The following POU3F3 variants were observed in gnomAD, a reference collection of about 807,000 sequenced individuals.
POU3F3 encodes the protein POU domain, class 3, transcription factor 3.
A neutral mutation model predicts 8.6 loss-of-function variants in POU3F3; 1 was observed. The observed-to-expected ratio is 0.12, with a 90% CI of 0.04 to 0.55. The LOEUF is 0.55. Among genes scored for constraint, POU3F3 ranks in the 20% least tolerant of loss-of-function variants. The probability of loss-of-function intolerance (pLI) is 0.91; values close to 1 mark genes in which losing one functional copy is unlikely to be tolerated. For missense variants in POU3F3, 577 were observed against 690.7 expected, an observed-to-expected ratio of 0.84 and a Z score of 1.84; for synonymous variants, 418 against 327.4, an observed-to-expected ratio of 1.28 and a Z score of -2.99.
rs1228263823 is a variant in POU3F3, at chr2:104,856,371, C to T, written c.861C>T (p.His287=). Residue 287 remains histidine, a synonymous_variant, in exon 1 of 1, where the codon CAC becomes CAT. Coordinates refer to ENST00000361360, the MANE Select transcript of POU3F3 (RefSeq NM_006236.3). Reference sequence around the variant, plus strand: ...ATCCTCACCCGCCGCACCCGCACCACGCGCAGGGACCCCCGCACCACGGCG... The same window carrying T: ...ATCCTCACCCGCCGCACCCGCACCATGCGCAGGGACCCCCGCACCACGGCG... ...HAHPHPPHPH[H]AQGPPHHGGG... is the part of the protein sequence containing the mutation. The T allele has an allele frequency of 6.5e-6, 10 of 1,540,560 alleles. No homozygotes were observed. Among genetic ancestry groups the T allele is most frequent in the Admixed American group, 6.0e-5 (3 of 49,906 alleles).
the POU3F3 span, among the ~76,000 whole-genome samples, chr2:104,900,144 A>G: frequency 6.6e-6 from 1 of 152,244 alleles, no homozygotes; most frequent in African/African-American, 2.4e-5. Flanking sequence ...TAGTGACTCT[A>G]GGATGGGAGA....
At chr2:104,894,251 T>G in the POU3F3 span, among the ~76,000 whole-genome samples, 2 of 152,222 alleles carry the variant, frequency 1.3e-5, no homozygotes, top group African/African-American at 4.8e-5. Context: ...ATTAAGAATT[T>G]TATGTAGAAT....
At chr2:104,860,371 C>T (rs1676639779), downstream of POU3F3, among the ~76,000 whole-genome samples, 2 of 152,012 alleles carry the variant, frequency 1.3e-5, no homozygotes, top group African/African-American at 2.4e-5. Flanking sequence ...GCAGATATAA[C>T]TGAGAGGTTT....
the POU3F3 span, among the ~76,000 whole-genome samples, chr2:104,874,318 C>A: frequency 7.9e-5 from 12 of 152,212 alleles, 1 homozygote; most frequent in African/African-American, 2.4e-4. Context: ...GAGGGACTCA[C>A]CCATCCAGAG....
chr2:104,902,791 G>A, the POU3F3 span, among the ~76,000 whole-genome samples: 1 of 152,008 alleles, frequency 6.6e-6, no homozygotes, highest in Non-Finnish European at 1.5e-5. Flanking sequence ...TTATAATGGT[G>A]GTCTGAATTA....
chr2:104,854,058 C>G (rs1177606745), upstream of POU3F3, among the ~76,000 whole-genome samples: 1 of 152,192 alleles, frequency 6.6e-6, no homozygotes, highest in African/African-American at 2.4e-5. This position sits in a 1 kb window ranked among gnomAD's most constrained non-coding sequence, Gnocchi z 4.5. Context: ...TGGTGCTCGA[C>G]TTCCTTGTAT....
the POU3F3 span, among the ~76,000 whole-genome samples, chr2:104,919,376 CCTT>C: frequency 6.6e-6 from 1 of 152,192 alleles, no homozygotes; most frequent in East Asian, 1.9e-4. Context: ...GTGAGTTTGT[CCTT>C]CTTGGCAGCT....
chr2:104,926,768 A>T, the POU3F3 span, among the ~76,000 whole-genome samples: 3 of 152,334 alleles, frequency 2.0e-5, no homozygotes, highest in East Asian at 5.8e-4. Context: ...ATGCAGCCAT[A>T]AAAAAGGATG....
At chr2:104,886,212 C>T in the POU3F3 span, among the ~76,000 whole-genome samples, 1 of 152,260 alleles carries the variant, frequency 6.6e-6, no homozygotes, top group East Asian at 1.9e-4. Flanking sequence ...GGACCCCTTT[C>T]CAGTAACACA....
At chr2:104,900,326 TACATAG>T in the POU3F3 span, among the ~76,000 whole-genome samples, 1 of 152,182 alleles carries the variant, frequency 6.6e-6, no homozygotes, top group Non-Finnish European at 1.5e-5. Context: ...ACTGCACAGC[TACATAG>T]AAAAATATGG....
chr2:104,924,021 G>A, the POU3F3 span, among the ~76,000 whole-genome samples: 18 of 152,258 alleles, frequency 1.2e-4, no homozygotes, highest in East Asian at 1.2e-3. Flanking sequence ...AGTGTTTAAC[G>A]GATACAGAGT....
At chr2:104,885,864 C>T in the POU3F3 span, among the ~76,000 whole-genome samples, 2 of 151,960 alleles carry the variant, frequency 1.3e-5, no homozygotes, top group African/African-American at 2.4e-5. Flanking sequence ...ATGGCGTAAT[C>T]TCGGCTCACT....
chr2:104,868,948 G>A, the POU3F3 span, among the ~76,000 whole-genome samples: 1 of 152,200 alleles, frequency 6.6e-6, no homozygotes, highest in African/African-American at 2.4e-5. Context: ...GGGTGGGGCA[G>A]GGAGACTTGC....
chr2:104,909,306 G>A, the POU3F3 span, among the ~76,000 whole-genome samples: 1 of 152,168 alleles, frequency 6.6e-6, no homozygotes, highest in Non-Finnish European at 1.5e-5. Context: ...CATATCCATG[G>A]TCCCAGCGGT....
the POU3F3 span, chr2:104,872,475 G>A: frequency 4.8e-5 from 19 of 395,776 alleles, no homozygotes; most frequent in Admixed American, 4.8e-4. The surrounding 1 kb of genome is among the most constrained non-coding windows in gnomAD (Gnocchi z 4.6). Context: ...GCGACGGCCC[G>A]TTCGCCCCGA....
At chr2:104,894,246 G>T in the POU3F3 span, among the ~76,000 whole-genome samples, 8 of 152,298 alleles carry the variant, frequency 5.3e-5, no homozygotes, top group South Asian at 1.7e-3. Context: ...ATTAAATTAA[G>T]AATTTTATGT....
downstream of POU3F3, among the ~76,000 whole-genome samples, chr2:104,861,790 C>T (rs1676660575): frequency 6.6e-6 from 1 of 152,188 alleles, no homozygotes; most frequent in South Asian, 2.1e-4. Context: ...ACCTCTCAGG[C>T]TCTCCAAGTT....
chr2:104,856,335 C>A lies in POU3F3; in HGVS notation c.825C>A (p.His275Gln). Reference sequence around the variant, plus strand: ...TGGCCGAGCACCACCACCACCACCACCACCACGCGCATCCTCACCCGCCGC... The same window carrying A: ...TGGCCGAGCACCACCACCACCACCAACACCACGCGCATCCTCACCCGCCGC... The part of the protein sequence containing the change: ...PELAEHHHHH[H>Q]HHAHPHPPHP... Residue 275 changes from histidine (H) to glutamine (Q), a missense_variant, in exon 1 of 1, where the codon CAC becomes CAA. By Grantham distance (24) the His-to-Gln change is conservative. Transcript: ENST00000361360. The A allele has an allele frequency of 6.6e-7, 1 of 1,511,636 alleles. No individual in the cohort carries two copies. Among genetic ancestry groups the A allele is most frequent in the Non-Finnish European group, 8.8e-7 (1 of 1,135,566 alleles). 93.6% of individuals were successfully genotyped at this position (1,511,636 alleles called of 1,614,324 possible). A position where few individuals can be genotyped will look rare whatever the true frequency, so the allele number is the denominator to read the frequency against.
downstream of POU3F3, among the ~76,000 whole-genome samples, chr2:104,862,464 G>A (rs374840854): frequency 3.9e-4 from 60 of 152,286 alleles, no homozygotes; most frequent in African/African-American, 1.3e-3. Context: ...GCCTGCCTCC[G>A]GTGAAAACCC....
Sources: allele counts gnomAD v4.1 joint callset (sites outside exome capture counted in the v4.1 genomes callset), GRCh38; gene constraint gnomAD v4.1.1; non-coding constraint Gnocchi (gnomAD v3.1); transcripts MANE v1.5; gene names NCBI Gene and HGNC (gene_info 2026-07-23, HGNC 2026-07-21).